MTSS2: variants seen among roughly 807,000 people sequenced by gnomAD.
MTSS2 encodes protein MTSS 2.
A neutral mutation model predicts 67.1 loss-of-function variants in MTSS2; 27 were observed. That is an observed-to-expected ratio of 0.40 (90% CI 0.30 to 0.55). MTSS2 has a LOEUF of 0.55. Ranked by LOEUF, MTSS2 falls within the 20% of genes least tolerant of loss-of-function variation. MTSS2 has a pLI of 0.43. For synonymous variants in MTSS2, 624 were observed against 468.6 expected, an observed-to-expected ratio of 1.33 and a Z score of -4.28; for missense variants, 1,171 against 1,067.8, an observed-to-expected ratio of 1.10 and a Z score of -1.35.
At position 70,677,832 on chromosome 16, in the gene MTSS2, A is replaced by G; in HGVS notation, c.692T>C (p.Leu231Pro). 6.2e-7 allele frequency: 1 copy of G among 1,612,260 alleles called. No individual in the cohort carries two copies. Among genetic ancestry groups the G allele is most frequent in the Non-Finnish European group, 8.5e-7 (1 of 1,179,584 alleles). Residue 231 changes from leucine to proline, a missense_variant, in exon 9 of 15, where the codon CTG (leucine) becomes CCG (proline). Transcript: ENST00000338779. ...LQGIIDDLVVLTAEPHKLPPA... is the reference protein window; with the variant it reads ...LQGIIDDLVVPTAEPHKLPPA... ...AGGCAGTTTGTGGGGTTCTGCTGTC[A>G]GCACCACCAAGTCGTCGATGATGCC...
In MTSS2 at chr16:70,664,168, G is replaced by T; in HGVS notation, c.1753C>A (p.Pro585Thr). The change falls in exon 15 of 15, where the codon CCC (proline) becomes ACC (threonine). Residue 585 changes from proline (P) to threonine (T), a missense_variant. Pro to Thr is a conservative substitution (Grantham distance 38, BLOSUM62 -1). This residue lies in a region of MTSS2 where 924 missense variants were observed against 756.0 expected (regional missense o/e 1.22). Coordinates refer to ENST00000338779, the MANE Select transcript of MTSS2 (RefSeq NM_138383.3). The part of the protein sequence containing the change: ...RRALSSAGPI[P>T]IRPPIVPVKT... ...ACAGGGACGATGGGCGGCCGGATGG[G>T]GATGGGGCCAGCGCTGGACAGGGCG... 6.2e-7 allele frequency: 1 copy of T among 1,606,158 alleles called. No homozygotes were observed. The highest frequency in any genetic ancestry group is 8.5e-7 in the Non-Finnish European group (1 of 1,179,474).
At position 70,662,435 on chromosome 16, in the gene MTSS2, T is replaced by G. The variant is rs1383309606; in HGVS notation, c.*1242A>C. ...CTGCCACCACGAGCCTGGACTACAG[T>G]GGGGGCCGTGCTGGGATGGCATCTC... On this transcript the variant is annotated 3_prime_UTR_variant, in exon 15 of 15. Coordinates refer to ENST00000338779, the MANE Select transcript of MTSS2 (RefSeq NM_138383.3). 2 of 152,212 alleles carry G rather than the reference T, an allele frequency of 1.3e-5. No homozygotes were observed. Among genetic ancestry groups the G allele is most frequent in the Admixed American group, 1.3e-4 (2 of 15,280 alleles). 9.4% of individuals were successfully genotyped at this position (152,212 alleles called of 1,614,324 possible).
Position 70,663,648 on chromosome 16 carries a change from G to A in MTSS2, c.*29C>T. The A allele has an allele frequency of 1.9e-6, 3 of 1,544,344 alleles. No homozygotes were observed. The highest frequency in any genetic ancestry group is 1.7e-6 in the Non-Finnish European group (2 of 1,145,722). On this transcript the variant is annotated 3_prime_UTR_variant, in exon 15 of 15. Coordinates refer to ENST00000338779, the MANE Select transcript of MTSS2 (RefSeq NM_138383.3). ...AGACCAGGCCACCTGCTCGCACTGG[G>A]GCCTGAGAGGATGGGGAGGGTGGCG...
chr16:70,681,587 C>T (rs938255927), intron 1 of MTSS2, among the ~76,000 whole-genome samples: 9 of 152,232 alleles, frequency 5.9e-5, no homozygotes, highest in Non-Finnish European at 8.8e-5. Context: ...CTCCCAGGGC[C>T]GAGGAGGCTG....
chr16:70,679,791 G>T lies in MTSS2; in HGVS notation c.377C>A (p.Ala126Glu). The change falls in exon 5 of 15, where the codon GCG becomes GAG. Residue 126 changes from alanine to glutamate, a missense_variant. Transcript: ENST00000338779. ...KAANQLDKDH[A>E]KEYKRARHEI... ...CGGCTCCGCGCCACCCTCACCTTTC[G>T]CGTGGTCCTTGTCCAGCTGGTTGGC... 1.9e-6 allele frequency: 3 copies of T among 1,611,348 alleles called. No homozygotes were observed. Among genetic ancestry groups the T allele is most frequent in the Non-Finnish European group, 1.7e-6 (2 of 1,179,616 alleles).
At chr16:70,675,126 A>T (rs569755023) in intron 10 of MTSS2, among the ~76,000 whole-genome samples, 1 of 151,358 alleles carries the variant, frequency 6.6e-6, no homozygotes, top group Non-Finnish European at 1.5e-5. Context: ...AAAAAAAGAA[A>T]CAAGAAACAG....
chr16:70,664,212 G>C lies in MTSS2; in HGVS notation c.1709C>G (p.Thr570Ser), dbSNP rs745616815. 13 of 1,588,938 alleles carry C rather than the reference G, an allele frequency of 8.2e-6. No individual in the cohort carries two copies. The highest frequency in any genetic ancestry group is 1.1e-5 in the Non-Finnish European group (13 of 1,172,208). Residue 570 changes from threonine (T) to serine (S), a missense_variant, in exon 15 of 15, where the codon ACC (threonine) becomes AGC (serine). By Grantham distance (58) the Thr-to-Ser change is moderately conservative. Around this residue, in one of 2 missense-constraint regions of MTSS2, gnomAD observed 924 missense variants for 756.0 expected, o/e 1.22. Coordinates refer to ENST00000338779, the MANE Select transcript of MTSS2 (RefSeq NM_138383.3). ...GVATIRRTPSTKPTVRRALSS... is the reference protein window; with the variant it reads ...GVATIRRTPSSKPTVRRALSS... ...CAGGGCGCGGCGCACGGTGGGCTTG[G>C]TGGAGGGTGTGCGGCGGATGGTGGC... is the stretch of plus-strand genomic sequence containing the variant.
Position 70,664,393 on chromosome 16 carries a change from C to T in MTSS2, c.1528G>A (p.Glu510Lys), listed in dbSNP as rs745883926. Residue 510 changes from glutamate to lysine, a missense_variant, in exon 15 of 15, where the codon GAG becomes AAG. Around this residue, in one of 2 missense-constraint regions of MTSS2, gnomAD observed 924 missense variants for 756.0 expected, o/e 1.22. Transcript: ENST00000338779. ...NGDADSEGPP[E>K]FDKSSTIPRN... ...GGGATGGTGGATGACTTGTCAAACT[C>T]GGGCGGGCCCTCGCTGTCCGCATCC... The T allele has an allele frequency of 6.4e-6, 10 of 1,564,210 alleles. No homozygotes were observed. Among genetic ancestry groups the T allele is most frequent in the South Asian group, 6.2e-5 (5 of 81,112 alleles).
At chr16:70,669,742 G>A (rs1056917771) in intron 11 of MTSS2, among the ~76,000 whole-genome samples, 22 of 150,490 alleles carry the variant, frequency 1.5e-4, no homozygotes, top group African/African-American at 4.2e-4. Flanking sequence ...GCCTGAGCCC[G>A]GGAGGCGGAG....
chr16:70,675,043 G>A (rs1339029272), intron 10 of MTSS2, among the ~76,000 whole-genome samples: 1 of 152,124 alleles, frequency 6.6e-6, no homozygotes, highest in African/African-American at 2.4e-5. Flanking sequence ...AACCTGGGAG[G>A]CGGAGGTTGC....
Position 70,685,810 on chromosome 16 carries a change from C to CGCG in MTSS2, c.-22_-20dup. The CGCG allele has an allele frequency of 1.6e-6, 2 of 1,279,150 alleles. No individual in the cohort carries two copies. The highest frequency in any genetic ancestry group is 2.0e-6 in the Non-Finnish European group (2 of 994,076). 79.2% of individuals were successfully genotyped at this position (1,279,150 alleles called of 1,614,324 possible). On this transcript the variant is annotated 5_prime_UTR_variant, in exon 1 of 15. Transcript: ENST00000338779. ...TCTCCATGCTCTGGCTGGGCCGGGCCGCGGCGGCGGCTAGGCGCACGGAGC... is the reference window on the plus strand; with the variant it reads ...TCTCCATGCTCTGGCTGGGCCGGGCCGCGGCGGCGGCGGCTAGGCGCACGGAGC...
chr16:70,676,100 C>T lies in MTSS2; in HGVS notation c.830+781G>A, dbSNP rs567268207. Among the ~76,000 whole-genome samples, 53 of 152,352 alleles carry T rather than the reference C, an allele frequency of 3.5e-4. No individual in the cohort carries two copies. The Middle Eastern group carries it at 0.014, about 39-fold the overall frequency. The stretch of plus-strand genomic sequence containing the variant: ...CTGGCTTCTCCCAAGCTCTGGATGT[C>T]CAGCCAGTGATTCTGGGGAGAGGGG... On this transcript the variant is annotated intron_variant, in intron 10 of 14. Transcript: ENST00000338779.
Position 70,677,829 on chromosome 16 carries a change from G to A in MTSS2, c.695C>T (p.Thr232Ile). Residue 232 changes from threonine to isoleucine, a missense_variant, in exon 9 of 15, where the codon ACA becomes ATA. Thr to Ile is a moderately conservative substitution (Grantham distance 89). Transcript: ENST00000338779. ...GGGAGGCAGTTTGTGGGGTTCTGCT[G>A]TCAGCACCACCAAGTCGTCGATGAT... ...QGIIDDLVVL[T>I]AEPHKLPPAS... The A allele has an allele frequency of 1.2e-6, 2 of 1,612,136 alleles. No homozygotes were observed. Among genetic ancestry groups the A allele is most frequent in the Non-Finnish European group, 1.7e-6 (2 of 1,179,532 alleles).
chr16:70,667,780 C>A (rs532005785), intron 11 of MTSS2, among the ~76,000 whole-genome samples: 2 of 151,534 alleles, frequency 1.3e-5, no homozygotes, highest in Admixed American at 6.6e-5. Context: ...GGCTGAGGCA[C>A]GAGAATAGCT....
At position 70,664,751 on chromosome 16, in the gene MTSS2, C is replaced by G. The variant is rs1291807914; in HGVS notation, c.1318G>C (p.Val440Leu). The change falls in exon 14 of 15, where the codon GTG becomes CTG. Residue 440 changes from valine to leucine, a missense_variant. Around this residue, in one of 2 missense-constraint regions of MTSS2, gnomAD observed 924 missense variants for 756.0 expected, o/e 1.22. Coordinates refer to ENST00000338779, the MANE Select transcript of MTSS2 (RefSeq NM_138383.3). Reference protein sequence around the residue: ...ATIAAKHGEEVSPAASDLAMV... With the variant: ...ATIAAKHGEELSPAASDLAMV... ...GCCAGGTCACTGGCGGCGGGGGACACCTCCTCACCGTGCTGAGGGTGGGAA... is the reference window on the plus strand; with the variant it reads ...GCCAGGTCACTGGCGGCGGGGGACAGCTCCTCACCGTGCTGAGGGTGGGAA... The G allele has an allele frequency of 1.2e-6, 2 of 1,611,174 alleles. No individual in the cohort carries two copies. The highest frequency in any genetic ancestry group is 2.2e-5 in the South Asian group (2 of 90,614).
chr16:70,663,622 C>G lies in MTSS2; in HGVS notation c.*55G>C. 1 of 1,489,260 alleles carries G rather than the reference C, an allele frequency of 6.7e-7. No individual in the cohort carries two copies. Among genetic ancestry groups the G allele is most frequent in the Middle Eastern group, 2.0e-4 (1 of 4,888 alleles). The allele number at this position is 1,489,260 out of a possible 1,614,324, so 92.3% of individuals were successfully genotyped here. A position where few individuals can be genotyped will look rare whatever the true frequency, so the allele number is the denominator to read the frequency against. ...CTTTGCTCTGAGTGCCTGCGGCTCA[C>G]AGACCAGGCCACCTGCTCGCACTGG... On this transcript the variant is annotated 3_prime_UTR_variant, in exon 15 of 15. Coordinates refer to ENST00000338779, the MANE Select transcript of MTSS2 (RefSeq NM_138383.3).
chr16:70,685,752 GC>G lies in MTSS2; in HGVS notation c.39del (p.Leu14SerfsTer5). 1 of 1,392,166 alleles carries G rather than the reference GC, an allele frequency of 7.2e-7. No homozygotes were observed. 86.2% of individuals were successfully genotyped at this position (1,392,166 alleles called of 1,614,324 possible). On this transcript the variant is annotated frameshift_variant, in exon 1 of 15. Coordinates refer to ENST00000338779, the MANE Select transcript of MTSS2 (RefSeq NM_138383.3). LOFTEE classifies it high-confidence loss of function. The part of the protein sequence containing the change: ...TAEKECGALG[G>X]LFQAIVNDMK... ...ATGTCGTTGACTATGGCCTGGAAGA[GC>G]CCGCCCAGGGCGCCGCACTCCTTCT... is the stretch of plus-strand genomic sequence containing the variant.
At chr16:70,675,422 CACAATGACA>C (rs2053085842) in intron 10 of MTSS2, among the ~76,000 whole-genome samples, 1 of 152,128 alleles carries the variant, frequency 6.6e-6, no homozygotes, top group South Asian at 2.1e-4. Flanking sequence ...GACCCTGTCT[CACAATGACA>C]ACAAAACCCA....
chr16:70,671,758 C>T (rs536962523), intron 11 of MTSS2, among the ~76,000 whole-genome samples: 10 of 152,268 alleles, frequency 6.6e-5, no homozygotes, highest in African/African-American at 1.4e-4. Flanking sequence ...ACTTGGCACA[C>T]GCCACCTTAA....
Sources: gnomAD v4.1 joint callset for allele counts (sites outside exome capture counted in the v4.1 genomes callset) on GRCh38, gnomAD v4.1.1 for gene constraint, gnomAD v4.1.1 regional missense constraint, MANE v1.5 for transcripts, NCBI Gene and HGNC (gene_info 2026-07-23, HGNC 2026-07-21) for gene names.